AGBL4: variants seen among roughly 807,000 people sequenced by gnomAD.
The protein encoded by AGBL4 is cytosolic carboxypeptidase 6.
In AGBL4, 58 loss-of-function variants were observed where a neutral mutation model predicts 66.4. The ratio of observed to expected loss-of-function variants is 0.87; its 90% CI spans 0.71 to 1.09. The LOEUF (loss-of-function observed/expected upper bound fraction) is 1.09. Ranked by LOEUF, AGBL4 falls within the 50% of genes least tolerant of loss-of-function variation. AGBL4 has a pLI of 0.00. For synonymous variants in AGBL4, 234 were observed against 222.9 expected (o/e 1.05, Z -0.44); for missense variants, 579 against 631.0 (o/e 0.92, Z 0.88).
chr1:49,794,838 G>A (rs1283603236), intron 2 of AGBL4, among the ~76,000 whole-genome samples: 1 of 151,926 alleles, frequency 6.6e-6, no homozygotes, highest in African/African-American at 2.4e-5. Context: ...TGTCCCAGGA[G>A]CATAAGTATT....
At chr1:49,484,666 T>C (rs1366344542) in intron 3 of AGBL4, among the ~76,000 whole-genome samples, 4 of 151,792 alleles carry the variant, frequency 2.6e-5, no homozygotes, top group African/African-American at 9.7e-5. Flanking sequence ...AAAGAATAAA[T>C]AAGGCCTACT....
At chr1:49,477,236 T>C (rs1646864506) in intron 3 of AGBL4, among the ~76,000 whole-genome samples, 1 of 151,938 alleles carries the variant, frequency 6.6e-6, no homozygotes, top group Non-Finnish European at 1.5e-5. Context: ...GGTAGCAAGG[T>C]AGTAATTACA....
intron 3 of AGBL4, among the ~76,000 whole-genome samples, chr1:49,667,251 G>C (rs1400095904): frequency 6.6e-6 from 1 of 152,042 alleles, no homozygotes; most frequent in East Asian, 1.9e-4. Flanking sequence ...TTGAGCCCAG[G>C]AGTTCAAGAC....
At chr1:49,007,562 A>G (rs1312295991) in intron 5 of AGBL4, among the ~76,000 whole-genome samples, 8 of 151,000 alleles carry the variant, frequency 5.3e-5, no homozygotes, top group South Asian at 2.1e-4. Context: ...AGCAACTCCA[A>G]GACACATAAT....
At chr1:49,180,906 T>G (rs1424284550) in intron 4 of AGBL4, among the ~76,000 whole-genome samples, 1 of 152,206 alleles carries the variant, frequency 6.6e-6, no homozygotes, top group Non-Finnish European at 1.5e-5. Flanking sequence ...AGAGCTGATA[T>G]TTGTTCAGGC....
chr1:50,009,045 C>G (rs1483105584), intron 1 of AGBL4, among the ~76,000 whole-genome samples: 1 of 152,126 alleles, frequency 6.6e-6, no homozygotes, highest in Non-Finnish European at 1.5e-5. Flanking sequence ...GACCTGATGG[C>G]CTCACTGCTG....
intron 5 of AGBL4, among the ~76,000 whole-genome samples, chr1:48,924,354 C>T (rs762025617): frequency 5.9e-5 from 9 of 151,924 alleles, no homozygotes; most frequent in Non-Finnish European, 1.2e-4. Context: ...TGTTCTCTCA[C>T]CTGAGACCTG....
intron 3 of AGBL4, among the ~76,000 whole-genome samples, chr1:49,286,618 TC>T (rs1644416309): frequency 6.6e-6 from 1 of 151,764 alleles, no homozygotes; most frequent in Non-Finnish European, 1.5e-5. Flanking sequence ...CACAATTGCT[TC>T]AAAGAGAATA....
At chr1:48,861,940 C>T (rs989038153) in intron 6 of AGBL4, among the ~76,000 whole-genome samples, 6 of 152,044 alleles carry the variant, frequency 3.9e-5, no homozygotes, top group African/African-American at 1.4e-4. Flanking sequence ...TTCTCATTTC[C>T]CTGGTTTCCT....
At chr1:49,302,377 C>T (rs1055827943) in intron 3 of AGBL4, among the ~76,000 whole-genome samples, 8 of 151,574 alleles carry the variant, frequency 5.3e-5, no homozygotes, top group Admixed American at 2.6e-4. Context: ...CTCAGCCTCC[C>T]GAGTAGCTGG....
chr1:49,683,196 C>T (rs1433515931), intron 3 of AGBL4, among the ~76,000 whole-genome samples: 1 of 152,138 alleles, frequency 6.6e-6, no homozygotes, highest in African/African-American at 2.4e-5. Flanking sequence ...AAAAAAGGCA[C>T]TGGCTAGAGA....
At chr1:49,794,348 G>A (rs1262222022) in intron 2 of AGBL4, among the ~76,000 whole-genome samples, 1 of 151,782 alleles carries the variant, frequency 6.6e-6, no homozygotes, top group African/African-American at 2.4e-5. Context: ...TCACAAAGAA[G>A]ACAAGATAAT....
chr1:49,659,939 C>G (rs1258428742), intron 3 of AGBL4, among the ~76,000 whole-genome samples: 1 of 152,094 alleles, frequency 6.6e-6, no homozygotes, highest in East Asian at 1.9e-4. Context: ...ACACCTTATA[C>G]AACAATTAAC....
chr1:48,926,114 C>T (rs571640102), intron 5 of AGBL4, among the ~76,000 whole-genome samples: 1 of 152,232 alleles, frequency 6.6e-6, no homozygotes, highest in African/African-American at 2.4e-5. Context: ...GGTTTTAATC[C>T]TGTCACAATA....
chr1:48,910,564 A>C lies in AGBL4; in HGVS notation c.595-43334T>G, dbSNP rs188293693. On this transcript the variant is annotated intron_variant, in intron 5 of 13. Transcript: ENST00000371839. ...ATTCATTAAGACAGACTGTCAAAACAGTCAGCTCGCAACCAAATTTAGGAA... is the reference window on the plus strand; with the variant it reads ...ATTCATTAAGACAGACTGTCAAAACCGTCAGCTCGCAACCAAATTTAGGAA... Among the ~76,000 whole-genome samples the C allele has an allele frequency of 1.3e-3, 196 of 152,304 alleles. 2 individuals carry two copies. The Middle Eastern group carries it at 0.02, about 16-fold the overall frequency.
chr1:49,128,042 T>A (rs1230476350), intron 4 of AGBL4, among the ~76,000 whole-genome samples: 1 of 151,640 alleles, frequency 6.6e-6, no homozygotes, highest in African/African-American at 2.4e-5. Flanking sequence ...AATTAGCATA[T>A]AAAAACATTA....
chr1:49,659,090 A>G (rs1447778552), intron 3 of AGBL4, among the ~76,000 whole-genome samples: 2 of 152,180 alleles, frequency 1.3e-5, no homozygotes, highest in East Asian at 3.8e-4. Context: ...GAGAAATAAA[A>G]TCTTTTTCAG....
intron 2 of AGBL4, among the ~76,000 whole-genome samples, chr1:49,756,777 T>C (rs889350936): frequency 3.3e-5 from 5 of 152,316 alleles, no homozygotes; most frequent in African/African-American, 1.2e-4. Flanking sequence ...TGAAGAAGGA[T>C]ATGTTTGCTT....
At chr1:49,268,135 G>A (rs942979178) in intron 3 of AGBL4, 1 of 152,072 alleles carries the variant, frequency 6.6e-6, no homozygotes, top group Non-Finnish European at 1.5e-5. Flanking sequence ...AAAACCAGCC[G>A]AGTGGATGGC....
Sources: allele counts gnomAD v4.1 joint callset (sites outside exome capture counted in the v4.1 genomes callset), GRCh38; gene constraint gnomAD v4.1.1; transcripts MANE v1.5; gene names NCBI Gene and HGNC (gene_info 2026-07-23, HGNC 2026-07-21).